The following TMOD3 variants were observed in gnomAD, a reference collection of about 807,000 sequenced individuals.
TMOD3 encodes the protein tropomodulin 3, also known as tropomodulin-3.
Under a neutral mutation model 39.2 loss-of-function variants are expected in TMOD3, and 20 were observed. The observed-to-expected ratio is 0.51, with a 90% CI of 0.36 to 0.74. The LOEUF (loss-of-function observed/expected upper bound fraction) is 0.74, where lower values mean the gene tolerates loss of function less well. Among genes scored for constraint, TMOD3 ranks in the 30% least tolerant of loss-of-function variants. TMOD3 has a pLI of 0.00. For missense variants in TMOD3, 381 were observed against 412.8 expected (o/e 0.92, Z 0.67); for synonymous variants, 143 against 145.8 (o/e 0.98, Z 0.14).
intron 4 of TMOD3, 124 bp downstream of exon 4, chr15:51,887,835 C>G: frequency 8.1e-7 from 1 of 1,228,348 alleles, no homozygotes. Context: ...TCAGTAACCA[C>G]ATATTTGGCT....
intron 9 of TMOD3, among the ~76,000 whole-genome samples, chr15:51,907,563 G>T (rs1279060742): frequency 6.6e-6 from 1 of 152,218 alleles, no homozygotes; most frequent in Non-Finnish European, 1.5e-5. Context: ...CAGGACACCA[G>T]GTGTACCTGT....
intron 1 of TMOD3, chr15:51,860,244 C>T (rs898528920): frequency 1.8e-5 from 9 of 506,370 alleles, no homozygotes; most frequent in Non-Finnish European, 2.4e-5. Context: ...AAAGTCAAAT[C>T]GCTGTGCAGT....
At chr15:51,881,647 C>T (rs1418643224) in intron 3 of TMOD3, among the ~76,000 whole-genome samples, 6 of 146,694 alleles carry the variant, frequency 4.1e-5, no homozygotes, top group East Asian at 2.0e-4. Context: ...CTGCAACCTC[C>T]GCCTCCTGGG....
In TMOD3 at chr15:51,909,995, T is replaced by G. The variant is rs868317956; in HGVS notation, c.*1185T>G. ...AAAGCAGTCTTTCTTGCTCAAAGTA[T>G]TAAGGTGAACAATTGAATAGAGTAC... is the stretch of plus-strand genomic sequence containing the variant. On this transcript the variant is annotated 3_prime_UTR_variant, in exon 10 of 10. Coordinates refer to ENST00000308580, the MANE Select transcript of TMOD3 (RefSeq NM_014547.5). 4.6e-5 allele frequency: 7 copies of G among 152,252 alleles called. No individual in the cohort carries two copies. The highest frequency in any genetic ancestry group is 1.7e-4 in the African/African-American group (7 of 41,466). 9.4% of individuals were successfully genotyped at this position (152,252 alleles called of 1,614,324 possible). A position where few individuals can be genotyped will look rare whatever the true frequency, so the allele number is the denominator to read the frequency against.
chr15:51,834,284 T>A (rs1401455157), intron 1 of TMOD3, among the ~76,000 whole-genome samples: 1 of 152,182 alleles, frequency 6.6e-6, no homozygotes, highest in Non-Finnish European at 1.5e-5. Context: ...TTTTTAATTT[T>A]TATAAAGTCT....
chr15:51,906,719 C>T (rs1296485049), intron 9 of TMOD3, among the ~76,000 whole-genome samples: 1 of 152,136 alleles, frequency 6.6e-6, no homozygotes, highest in East Asian at 1.9e-4. Context: ...TTGAAATGTT[C>T]TACCCTAAAG....
At chr15:51,841,441 T>C (rs1253521058) in intron 1 of TMOD3, among the ~76,000 whole-genome samples, 1 of 152,170 alleles carries the variant, frequency 6.6e-6, no homozygotes, top group African/African-American at 2.4e-5. Flanking sequence ...TTTCCTGCAT[T>C]ATTTTCTTTT....
chr15:51,903,260 G>A (rs2056662325), intron 9 of TMOD3, among the ~76,000 whole-genome samples: 2 of 152,170 alleles, frequency 1.3e-5, no homozygotes, highest in South Asian at 4.1e-4. Context: ...TCCAGCCAAG[G>A]CTGAATTAAA....
chr15:51,835,269 A>T (rs2056276786), intron 1 of TMOD3, among the ~76,000 whole-genome samples: 1 of 152,154 alleles, frequency 6.6e-6, no homozygotes, highest in African/African-American at 2.4e-5. Context: ...AGATGCAATT[A>T]TATATAAGCC....
intron 9 of TMOD3, among the ~76,000 whole-genome samples, chr15:51,905,727 C>T (rs1169877356): frequency 6.6e-6 from 1 of 152,000 alleles, no homozygotes; most frequent in Non-Finnish European, 1.5e-5. Context: ...GGCGTATTGA[C>T]AACTTATATC....
In TMOD3 at chr15:51,861,148, G is replaced by A. The variant is rs116493708; in HGVS notation, c.-74-1663G>A. ...TAATTGATAAAGTCGTCCTTGAAAA[G>A]GGCTCTTTCCTGGATTCTGTACTGT... On this transcript the variant is annotated intron_variant, in intron 1 of 9. Coordinates refer to ENST00000308580, the MANE Select transcript of TMOD3 (RefSeq NM_014547.5). 1.5e-3 allele frequency: 738 copies of A among 502,960 alleles called. 6 individuals are homozygous for A. Among genetic ancestry groups the A allele is most frequent in the African/African-American group, 0.013 (697 of 51,700 alleles). 31.2% of individuals were successfully genotyped at this position (502,960 alleles called of 1,614,324 possible).
chr15:51,853,865 A>G (rs532980276), intron 1 of TMOD3, among the ~76,000 whole-genome samples: 82 of 152,004 alleles, frequency 5.4e-4, no homozygotes, highest in African/African-American at 2.0e-3. Context: ...GTGAGAATGG[A>G]GACCAGGGAA....
Position 51,912,830 on chromosome 15 carries a change from A to G in TMOD3, c.*4020A>G, listed in dbSNP as rs927748189. On this transcript the variant is annotated 3_prime_UTR_variant, in exon 10 of 10. Transcript: ENST00000308580. ...GGCTATGAGTTCTTGGGGTCTAAGT[A>G]TCTGTAAAATTATCCTCTCCATCAG... The G allele has an allele frequency of 1.3e-5, 2 of 152,236 alleles. No individual in the cohort carries two copies. The highest frequency in any genetic ancestry group is 2.9e-5 in the Non-Finnish European group (2 of 68,042). The allele number at this position is 152,236 out of a possible 1,614,324, so 9.4% of individuals were successfully genotyped here. A position where few individuals can be genotyped will look rare whatever the true frequency, so the allele number is the denominator to read the frequency against.
chr15:51,876,674 G>T (rs2056505541), intron 3 of TMOD3, among the ~76,000 whole-genome samples: 1 of 151,850 alleles, frequency 6.6e-6, no homozygotes, highest in African/African-American at 2.4e-5. Context: ...TGTTAGCCAG[G>T]ATGGTCTCAA....
At chr15:51,878,929 T>C (rs1484447691) in intron 3 of TMOD3, among the ~76,000 whole-genome samples, 1 of 152,212 alleles carries the variant, frequency 6.6e-6, no homozygotes, top group Non-Finnish European at 1.5e-5. Context: ...TGTTTCTTGT[T>C]ATTATATTTT....
chr15:51,831,123 G>A (rs765012001), intron 1 of TMOD3, among the ~76,000 whole-genome samples: 4 of 152,122 alleles, frequency 2.6e-5, no homozygotes, highest in Non-Finnish European at 5.9e-5. Context: ...GGAAACACTG[G>A]CGATATGCAT....
intron 3 of TMOD3, among the ~76,000 whole-genome samples, chr15:51,876,618 C>T (rs997792930): frequency 7.9e-5 from 12 of 152,020 alleles, no homozygotes; most frequent in Non-Finnish European, 1.3e-4. Flanking sequence ...CCTGCCACCT[C>T]GCCCGGCTAA....
Position 51,912,802 on chromosome 15 carries a change from A to G in TMOD3, c.*3992A>G, listed in dbSNP as rs2056718157. ...ACAACTCGGGTTGCTGCTCTCAGTT[A>G]AGGGCTATGAGTTCTTGGGGTCTAA... On this transcript the variant is annotated 3_prime_UTR_variant, in exon 10 of 10. Coordinates refer to ENST00000308580, the MANE Select transcript of TMOD3 (RefSeq NM_014547.5). 1 of 152,216 alleles carries G rather than the reference A, an allele frequency of 6.6e-6. No individual in the cohort carries two copies. The highest frequency in any genetic ancestry group is 1.5e-5 in the Non-Finnish European group (1 of 68,042). 9.4% of individuals were successfully genotyped at this position (152,216 alleles called of 1,614,324 possible).
chr15:51,905,969 A>G (rs1030865270), intron 9 of TMOD3, among the ~76,000 whole-genome samples: 1 of 150,928 alleles, frequency 6.6e-6, no homozygotes, highest in African/African-American at 2.4e-5. Flanking sequence ...AAAAAAAAAA[A>G]AAAAAAAAAA....
Sources: allele counts gnomAD v4.1 joint callset (sites outside exome capture counted in the v4.1 genomes callset), GRCh38; gene constraint gnomAD v4.1.1; transcripts MANE v1.5; gene names NCBI Gene and HGNC (gene_info 2026-07-23, HGNC 2026-07-21).